Variants in DCP1A observed in about 807,000 individuals in gnomAD.
DCP1A encodes decapping mRNA 1A.
DCP1A carries 20 observed loss-of-function variants against 58.0 expected under a neutral mutation model. The ratio of observed to expected loss-of-function variants is 0.34; its 90% CI spans 0.24 to 0.50. DCP1A has a LOEUF of 0.50. Among genes scored for constraint, DCP1A ranks in the 20% least tolerant of loss-of-function variants. The pLI is 0.98. For missense variants in DCP1A, 613 were observed against 712.2 expected (o/e 0.86, Z 1.59); for synonymous variants, 285 against 275.1 (o/e 1.04, Z -0.36).
chr3:53,342,285 G>C lies in DCP1A; in HGVS notation c.177-14C>G, dbSNP rs782179041. ...GGGGAAGCTGACCTTAGATTTAATA[G>C]AAGAAAAAAAAATATGTAGTTACCA... On this transcript the variant is annotated splice_polypyrimidine_tract_variant and intron_variant, in intron 2 of 9. Coordinates refer to ENST00000610213, the MANE Select transcript of DCP1A (RefSeq NM_018403.7). 3.2e-6 allele frequency: 5 copies of C among 1,551,258 alleles called. No individual in the cohort carries two copies. The East Asian group carries it at 9.1e-5, about 28-fold the overall frequency.
At chr3:53,330,828 T>G (rs201977506) in intron 3 of DCP1A, among the ~76,000 whole-genome samples, 1 of 141,488 alleles carries the variant, frequency 7.1e-6, no homozygotes, top group South Asian at 2.2e-4. Context: ...TATATATATT[T>G]TTTTTTTTTT....
At chr3:53,343,176 T>C (rs767343423) in intron 2 of DCP1A, among the ~76,000 whole-genome samples, 39 of 152,238 alleles carry the variant, frequency 2.6e-4, no homozygotes, top group Non-Finnish European at 5.4e-4. Context: ...AAGCTTTGAA[T>C]GATAAGGCCT....
In DCP1A at chr3:53,288,051, G is replaced by T; in HGVS notation, c.1668+14C>A. On this transcript the variant is annotated intron_variant, in intron 9 of 9. Coordinates refer to ENST00000610213, the MANE Select transcript of DCP1A (RefSeq NM_018403.7). ...ATAATGAAAAATCAAAGATAAAATT[G>T]GTATCCTACATACCTTTATTAGATG... 1 of 1,575,560 alleles carries T rather than the reference G, an allele frequency of 6.3e-7. No homozygotes were observed. Among genetic ancestry groups the T allele is most frequent in the Non-Finnish European group, 8.7e-7 (1 of 1,152,784 alleles).
At position 53,285,306 on chromosome 3, in the gene DCP1A, CT is replaced by C. The variant is rs1291081126; in HGVS notation, c.*2273del. On this transcript the variant is annotated 3_prime_UTR_variant, in exon 10 of 10. Transcript: ENST00000610213. ...TGAGGTTCTAGATAGTAAGCCTGAA[CT>C]AGGAATAAGGCAACTGAACTGTGAC... The C allele has an allele frequency of 3.3e-5, 5 of 152,188 alleles. No homozygotes were observed. The highest frequency in any genetic ancestry group is 5.9e-5 in the Non-Finnish European group (4 of 68,034). 9.4% of individuals were successfully genotyped at this position (152,188 alleles called of 1,614,324 possible).
intron 2 of DCP1A, among the ~76,000 whole-genome samples, chr3:53,343,891 G>A (rs1431236740): frequency 2.0e-5 from 3 of 152,198 alleles, no homozygotes; most frequent in African/African-American, 4.8e-5. Flanking sequence ...GATTACAGGC[G>A]TGAGCCACTG....
At chr3:53,314,274 C>T (rs1045831688) in intron 4 of DCP1A, among the ~76,000 whole-genome samples, 1 of 152,124 alleles carries the variant, frequency 6.6e-6, no homozygotes, top group Admixed American at 6.6e-5. Flanking sequence ...TTTTATTTGA[C>T]TATAGAATTT....
At chr3:53,342,074 T>C (rs2089215100) in intron 3 of DCP1A, 70 bp downstream of exon 3, 11 of 1,341,770 alleles carry the variant, frequency 8.2e-6, no homozygotes, top group Non-Finnish European at 1.1e-5. Flanking sequence ...ACTTCCTAAA[T>C]AATGGATTGA....
At chr3:53,310,974 T>G (rs540026832) in intron 5 of DCP1A, among the ~76,000 whole-genome samples, 28 of 152,220 alleles carry the variant, frequency 1.8e-4, no homozygotes, top group Non-Finnish European at 3.7e-4. Flanking sequence ...AAGGGCAGTA[T>G]GCAAAAAATG....
At position 53,288,178 on chromosome 3, in the gene DCP1A, T is replaced by C; in HGVS notation, c.1555A>G (p.Arg519Gly). The C allele has an allele frequency of 1.2e-6, 2 of 1,614,026 alleles. No individual in the cohort carries two copies. Among genetic ancestry groups the C allele is most frequent in the Non-Finnish European group, 1.7e-6 (2 of 1,179,902 alleles). ...AGAGGAGAAGGGGAGCTGGCTTTCC[T>C]CTCAAGGTCCGAAGATCTTGTAACT... ...QTVTRSSDLE[R>G]KASSPSPLTI... The change falls in exon 9 of 10, where the codon AGG becomes GGG. Residue 519 changes from arginine to glycine, a missense_variant. Transcript: ENST00000610213.
At chr3:53,309,854 G>A (rs1324905570) in intron 5 of DCP1A, among the ~76,000 whole-genome samples, 1 of 152,230 alleles carries the variant, frequency 6.6e-6, no homozygotes, top group Non-Finnish European at 1.5e-5. Flanking sequence ...CGGAGACTCA[G>A]AATCAGGATT....
At chr3:53,342,717 T>C (rs187170858) in intron 2 of DCP1A, among the ~76,000 whole-genome samples, 2 of 152,352 alleles carry the variant, frequency 1.3e-5, no homozygotes, top group Admixed American at 1.3e-4. Context: ...TGAGGCCTAC[T>C]TGAACTATCC....
chr3:53,347,304 C>CA (rs2089303914), intron 1 of DCP1A, 79 bp downstream of exon 1: 3 of 1,405,150 alleles, frequency 2.1e-6, no homozygotes, highest in Middle Eastern at 2.6e-4. Context: ...TGTGCCCCCC[C>CA]ACCCCACAGT....
At chr3:53,341,711 A>G (rs1553692559) in intron 3 of DCP1A, among the ~76,000 whole-genome samples, 2 of 151,934 alleles carry the variant, frequency 1.3e-5, no homozygotes, top group Non-Finnish European at 2.9e-5. Flanking sequence ...CAGTTTATTT[A>G]TTTATTTTTT....
At chr3:53,307,410 G>A (rs1453687754) in intron 5 of DCP1A, among the ~76,000 whole-genome samples, 2 of 152,182 alleles carry the variant, frequency 1.3e-5, no homozygotes, top group East Asian at 1.9e-4. Context: ...GAGCTGGGCT[G>A]TAAATGACCC....
In DCP1A at chr3:53,290,092, TC is replaced by T. The variant is rs1215720553; in HGVS notation, c.1449+698del. On this transcript the variant is annotated intron_variant, in intron 8 of 9. Coordinates refer to ENST00000610213, the MANE Select transcript of DCP1A (RefSeq NM_018403.7). ...CTGGTTCCCATTTAAACTCCAAGAC[TC>T]AAGGAGGGTACAAAGGCTCAAAGGA... 2.6e-5 allele frequency among the ~76,000 whole-genome samples: 4 copies of T among 151,866 alleles called. No homozygotes were observed. In the East Asian group the frequency reaches 7.8e-4, roughly 29 times the overall value.
intron 6 of DCP1A, among the ~76,000 whole-genome samples, chr3:53,293,683 AAC>A (rs1164195921): frequency 6.6e-6 from 1 of 152,226 alleles, no homozygotes; most frequent in Non-Finnish European, 1.5e-5. Context: ...AGTTCACTGA[AAC>A]ACATGATTCT....
intron 3 of DCP1A, among the ~76,000 whole-genome samples, chr3:53,339,090 C>T (rs1553692278): frequency 6.6e-6 from 1 of 152,100 alleles, no homozygotes; most frequent in African/African-American, 2.4e-5. Context: ...TACCTGTATG[C>T]ATAATCAGAT....
chr3:53,325,200 C>T (rs1708075735), intron 3 of DCP1A, among the ~76,000 whole-genome samples: 1 of 152,134 alleles, frequency 6.6e-6, no homozygotes, highest in South Asian at 2.1e-4. Flanking sequence ...GTACATGGCT[C>T]ACACAAGATC....
chr3:53,340,355 G>C (rs1407021241), intron 3 of DCP1A, among the ~76,000 whole-genome samples: 5 of 152,132 alleles, frequency 3.3e-5, no homozygotes, highest in African/African-American at 1.2e-4. Flanking sequence ...TATGTCCACA[G>C]AATTTAAAAT....
Sources: gnomAD v4.1 joint callset for allele counts (sites outside exome capture counted in the v4.1 genomes callset) on GRCh38, gnomAD v4.1.1 for gene constraint, MANE v1.5 for transcripts, NCBI Gene and HGNC (gene_info 2026-07-23, HGNC 2026-07-21) for gene names.